ZNF219: variants seen among roughly 807,000 people sequenced by gnomAD.
The protein encoded by ZNF219 is zinc finger protein 219.
A neutral mutation model predicts 54.4 loss-of-function variants in ZNF219; 17 were observed. The ratio of observed to expected loss-of-function variants is 0.31; its 90% CI spans 0.21 to 0.47. The LOEUF (loss-of-function observed/expected upper bound fraction) is 0.47. Among genes scored for constraint, ZNF219 ranks in the 20% least tolerant of loss-of-function variants. The pLI, the probability that ZNF219 is intolerant of heterozygous loss-of-function variation, is 1.00. For synonymous variants in ZNF219, 518 were observed against 476.4 expected (o/e 1.09, Z -1.14); for missense variants, 1,014 against 1,062.3 (o/e 0.95, Z 0.63).
chr14:21,093,349 G>C, intron 2 of ZNF219, 59 bp from the exon 3 acceptor site: 1 of 1,515,774 alleles, frequency 6.6e-7, no homozygotes, highest in Non-Finnish European at 8.8e-7. Flanking sequence ...AGGAAGCAAG[G>C]GCGTCGCCTC....
Position 21,091,030 on chromosome 14 carries a change from C to T in ZNF219, c.1675G>A (p.Gly559Arg), listed in dbSNP as rs944509239. 1.9e-6 allele frequency: 3 copies of T among 1,552,756 alleles called. No individual in the cohort carries two copies. The highest frequency in any genetic ancestry group is 2.6e-6 in the Non-Finnish European group (3 of 1,155,716). The stretch of plus-strand genomic sequence containing the variant: ...GGAGGCGGTGGCTCCGGGGGTGGCC[C>T]GGGGCCGGCCCCGCTCCTCTGCTCC... ...HREQRSGAGP[G>R]PPPEPPPPSQ... The change falls in exon 5 of 5, where the codon GGG becomes AGG. Residue 559 changes from glycine (G) to arginine (R), a missense_variant. Gly to Arg is a moderately radical substitution (Grantham distance 125). Around this residue, in one of 5 missense-constraint regions of ZNF219, gnomAD observed 281 missense variants for 271.2 expected, o/e 1.04. Transcript: ENST00000360947.
At chr14:21,102,191 A>C (rs1175456149), upstream of ZNF219, 2 of 1,492,552 alleles carry the variant, frequency 1.3e-6, no homozygotes, top group African/African-American at 1.4e-5. Context: ...TCAGCCTAGG[A>C]AGTAAGTGGC....
chr14:21,103,276 AT>A (rs1328991960), upstream of ZNF219: 1 of 1,547,198 alleles, frequency 6.5e-7, no homozygotes, highest in Non-Finnish European at 8.7e-7. Flanking sequence ...CTCTCCAGAC[AT>A]TCCTGCATCC....
Position 21,093,450 on chromosome 14 carries a change from G to A in ZNF219, c.6+136C>T, listed in dbSNP as rs915358984. On this transcript the variant is annotated intron_variant, in intron 2 of 4. Transcript: ENST00000360947. ...TCACCTCGGGAAGATGGGGTGGGGGGAGGTGTATGGGAATCGAGATGTCAG... is the reference window on the plus strand; with the variant it reads ...TCACCTCGGGAAGATGGGGTGGGGGAAGGTGTATGGGAATCGAGATGTCAG... The A allele has an allele frequency of 1.9e-5, 27 of 1,415,322 alleles. No individual in the cohort carries two copies. In the African/African-American group the frequency reaches 3.0e-4, roughly 16 times the overall value. 87.7% of individuals were successfully genotyped at this position (1,415,322 alleles called of 1,614,324 possible). A position where few individuals can be genotyped will look rare whatever the true frequency, so the allele number is the denominator to read the frequency against.
At chr14:21,103,287 C>T (rs1402203148), upstream of ZNF219, 28 of 1,542,274 alleles carry the variant, frequency 1.8e-5, no homozygotes, top group Non-Finnish European at 2.5e-5. Context: ...TTCCTGCATC[C>T]CACCCCACCA....
At chr14:21,098,971 A>T, upstream of ZNF219, 1 of 627,350 alleles carries the variant, frequency 1.6e-6, no homozygotes, top group South Asian at 2.0e-5. Context: ...CGGCCGTATA[A>T]GAAACATTAT....
At chr14:21,093,432 G>A in intron 2 of ZNF219, 142 bp from the exon 3 acceptor site, 2 of 1,430,214 alleles carry the variant, frequency 1.4e-6, no homozygotes, top group Non-Finnish European at 1.9e-6. Flanking sequence ...TACTCACCTC[G>A]GGAAGATGGG....
intron 1 of ZNF219, chr14:21,094,260 A>C (rs953820289): frequency 1.9e-5 from 8 of 422,354 alleles, no homozygotes; most frequent in Non-Finnish European, 2.8e-5. Flanking sequence ...GCAGAGTCTG[A>C]AGACAGACAG....
In ZNF219 at chr14:21,091,079, C is replaced by T. The variant is rs376035570; in HGVS notation, c.1626G>A (p.Lys542=). ...CCCGGTGGTGGCGCTGTAGGTGATA[C>T]TTGAGCGAGCCGGACTGGGTGCCCG... ...DYAGTQSGSL[K]YHLQRHHREQ... The change falls in exon 5 of 5, where the codon AAG becomes AAA. Residue 542 remains lysine (K), a synonymous_variant. Coordinates refer to ENST00000360947, the MANE Select transcript of ZNF219 (RefSeq NM_016423.3). The T allele has an allele frequency of 4.1e-5, 64 of 1,570,356 alleles. No individual in the cohort carries two copies. The African/African-American group carries it at 5.8e-4, about 14-fold the overall frequency.
upstream of ZNF219, chr14:21,101,433 G>C: frequency 6.4e-7 from 1 of 1,551,490 alleles, no homozygotes; most frequent in Non-Finnish European, 8.7e-7. Context: ...GGCAGAGTGG[G>C]CACCTCTTGG....
At chr14:21,093,465 C>A (rs538913248) in intron 2 of ZNF219, 121 bp downstream of exon 2, 5 of 1,442,098 alleles carry the variant, frequency 3.5e-6, no homozygotes, top group South Asian at 1.2e-5. Flanking sequence ...GTATGGGAAT[C>A]GAGATGTCAG....
chr14:21,091,796 C>G (rs935338700), intron 3 of ZNF219, 69 bp downstream of exon 3: 2 of 1,480,332 alleles, frequency 1.4e-6, no homozygotes, highest in Admixed American at 2.4e-5. Context: ...AAGGAAGCTA[C>G]GAGGGAGTGG....
intron 4 of ZNF219, 37 bp from the exon 5 acceptor site, chr14:21,091,177 G>A (rs1163648691): frequency 1.3e-5 from 20 of 1,581,760 alleles, no homozygotes; most frequent in Non-Finnish European, 1.5e-5. Context: ...ACGGGGTCAC[G>A]ATGACTGCAC....
chr14:21,090,398 CG>C lies in ZNF219; in HGVS notation c.*137del, dbSNP rs201299316. ...CCAGCCCACCCTCCTACGCCCGCCG[CG>C]CCTTCCACCTCTGGTCCGCCTGGGG... On this transcript the variant is annotated 3_prime_UTR_variant, in exon 5 of 5. Transcript: ENST00000360947. The surrounding 1 kb of genome is among the most constrained non-coding windows in gnomAD (Gnocchi z 4.4). The C allele has an allele frequency of 3.8e-3, 4,677 of 1,222,936 alleles. 129 individuals carry two copies. In the African/African-American group the frequency reaches 0.062, roughly 16 times the overall value. The allele number at this position is 1,222,936 out of a possible 1,614,324, so 75.8% of individuals were successfully genotyped here.
At chr14:21,094,725 T>TGGGGG (rs1889184400) in intron 1 of ZNF219, among the ~76,000 whole-genome samples, 2 of 984 alleles carry the variant, frequency 2.0e-3, no homozygotes, top group Non-Finnish European at 2.2e-3. Context: ...AGGATAGGGG[T>TGGGGG]TGGGGGGGGG....
intron 1 of ZNF219, chr14:21,093,946 G>A (rs1889127741): frequency 9.9e-6 from 4 of 404,340 alleles, no homozygotes; most frequent in African/African-American, 2.1e-5. Flanking sequence ...CCCACCCCCT[G>A]GCGGTGGGGA....
upstream of ZNF219, chr14:21,102,549 A>T: frequency 6.4e-7 from 1 of 1,551,660 alleles, no homozygotes; most frequent in East Asian, 2.4e-5. Flanking sequence ...TGGGAGGATA[A>T]GGAGGCAAGA....
In ZNF219 at chr14:21,092,944, C is replaced by T; in HGVS notation, c.353G>A (p.Arg118His). 1 of 1,576,614 alleles carries T rather than the reference C, an allele frequency of 6.3e-7. No individual in the cohort carries two copies. The highest frequency in any genetic ancestry group is 8.6e-7 in the Non-Finnish European group (1 of 1,162,934). The change falls in exon 3 of 5, where the codon CGC (arginine) becomes CAC (histidine). Residue 118 changes from arginine to histidine, a missense_variant. This residue lies in a region of ZNF219 where 395 missense variants were observed against 415.1 expected (regional missense o/e 0.95). Transcript: ENST00000360947. ...GCGCTCTTCCAACTCCAGCAACAGGCGTGCAGCAGGACTACGTGGGCGCTC... is the reference window on the plus strand; with the variant it reads ...GCGCTCTTCCAACTCCAGCAACAGGTGTGCAGCAGGACTACGTGGGCGCTC... ...QPERPRSPAARLLLELEERAL... is the reference protein window; with the variant it reads ...QPERPRSPAAHLLLELEERAL...
Position 21,092,892 on chromosome 14 carries a change from C to A in ZNF219, c.405G>T (p.Gly135=). 1 of 1,547,232 alleles carries A rather than the reference C, an allele frequency of 6.5e-7. No homozygotes were observed. The highest frequency in any genetic ancestry group is 8.7e-7 in the Non-Finnish European group (1 of 1,147,722). ...ERALLREARL[G]RARSSGGMQA... ...GCATGCCCCCTGAGCTTCGGGCTCT[C>A]CCCAGTCGGGCCTCGCGTAGTAGCG... The change falls in exon 3 of 5, where the codon GGG becomes GGT. Residue 135 remains glycine (G), a synonymous_variant. Transcript: ENST00000360947.
Sources: allele counts gnomAD v4.1 joint callset (sites outside exome capture counted in the v4.1 genomes callset), GRCh38; gene constraint gnomAD v4.1.1; regional missense constraint gnomAD v4.1.1; non-coding constraint Gnocchi (gnomAD v3.1); transcripts MANE v1.5; gene names NCBI Gene and HGNC (gene_info 2026-07-23, HGNC 2026-07-21).